Variants in DMD observed in about 807,000 individuals in gnomAD.
DMD encodes the protein mutant dystrophin.
In DMD, 63 loss-of-function variants were observed where a neutral mutation model predicts 330.1. The ratio of observed to expected loss-of-function variants is 0.19; its 90% CI spans 0.16 to 0.24. The LOEUF (loss-of-function observed/expected upper bound fraction) is 0.24, where lower values mean the gene tolerates loss of function less well. DMD is among the 10% of genes least tolerant of loss of function. The pLI, the probability that DMD is intolerant of heterozygous loss-of-function variation, is 1.00. For synonymous variants in DMD, 1,223 were observed against 959.8 expected (o/e 1.27, Z -5.07); for missense variants, 3,344 against 2,684.1 (o/e 1.25, Z -5.43).
At chrX:31,283,423 T>C (rs2147904014) in intron 62 of DMD, among the ~76,000 whole-genome samples, 1 of 111,728 alleles carries the variant, frequency 9.0e-6, no homozygotes, top group Non-Finnish European at 1.9e-5. Flanking sequence ...CTACCTTAAA[T>C]TATGAGTTTT....
rs147304855 is a variant in DMD, at chrX:32,331,786, T to C, written c.5922+10314A>G. 5.3e-3 allele frequency among the ~76,000 whole-genome samples: 590 copies of C among 111,836 alleles called. 15 individuals carry two copies. In the East Asian group the frequency reaches 0.09, roughly 17 times the overall value. ...TTAACGTGCTACTTGAAGCCAGTCATTTGAGACAATATTCAAGAGGTAATA... is the reference window on the plus strand; with the variant it reads ...TTAACGTGCTACTTGAAGCCAGTCACTTGAGACAATATTCAAGAGGTAATA... On this transcript the variant is annotated intron_variant, in intron 41 of 78. Coordinates refer to ENST00000357033, the MANE Select transcript of DMD (RefSeq NM_004006.3).
At chrX:32,794,395 C>A (rs918379345) in intron 7 of DMD, among the ~76,000 whole-genome samples, 1 of 111,242 alleles carries the variant, frequency 9.0e-6, no homozygotes, top group Non-Finnish European at 1.9e-5. Flanking sequence ...CGAGATCATC[C>A]TGGCTAACAC....
chrX:32,567,076 G>C (rs1340405290), intron 15 of DMD, among the ~76,000 whole-genome samples: 1 of 111,699 alleles, frequency 9.0e-6, no homozygotes, highest in Non-Finnish European at 1.9e-5. Flanking sequence ...TTCCTGAAAA[G>C]GACAATCTAA....
intron 2 of DMD, among the ~76,000 whole-genome samples, chrX:32,962,922 G>C (rs751435711): frequency 1.8e-5 from 2 of 110,915 alleles, no homozygotes; most frequent in Non-Finnish European, 3.8e-5. Context: ...GGGCAAGAAA[G>C]AAACAGTGAT....
intron 48 of DMD, among the ~76,000 whole-genome samples, chrX:31,841,395 T>C (rs2093316294): frequency 8.9e-6 from 1 of 111,989 alleles, no homozygotes; most frequent in Non-Finnish European, 1.9e-5. Flanking sequence ...CAAGTGCTGA[T>C]GGAGAAGCTG....
intron 55 of DMD, among the ~76,000 whole-genome samples, chrX:31,587,272 T>C (rs995525481): frequency 3.6e-5 from 4 of 111,695 alleles, no homozygotes; most frequent in Non-Finnish European, 7.5e-5. Context: ...ACAACATGGA[T>C]ACTATAGTTA....
intron 9 of DMD, among the ~76,000 whole-genome samples, chrX:32,674,827 T>G (rs2061864381): frequency 1.8e-5 from 2 of 111,477 alleles, no homozygotes; most frequent in African/African-American, 6.5e-5. Context: ...AGACTTCTCC[T>G]TAAATCCATA....
intron 44 of DMD, among the ~76,000 whole-genome samples, chrX:32,186,485 T>C (rs2096948165): frequency 8.9e-6 from 1 of 111,956 alleles, no homozygotes; most frequent in Non-Finnish European, 1.9e-5. Flanking sequence ...AAAAAAATCT[T>C]AGCCAGAAGG....
intron 1 of DMD, among the ~76,000 whole-genome samples, chrX:33,093,983 G>T (rs1473777958): frequency 9.0e-6 from 1 of 111,133 alleles, no homozygotes; most frequent in South Asian, 3.7e-4. Flanking sequence ...ACATAAATTT[G>T]CCATGAGTTT....
intron 52 of DMD, among the ~76,000 whole-genome samples, chrX:31,704,772 C>T (rs1401037783): frequency 9.0e-5 from 10 of 111,644 alleles, no homozygotes; most frequent in African/African-American, 3.2e-4. Context: ...ACTGATTTGT[C>T]TTTATATATT....
intron 62 of DMD, among the ~76,000 whole-genome samples, chrX:31,268,498 T>G (rs1449271877): frequency 8.9e-6 from 1 of 112,136 alleles, no homozygotes; most frequent in Non-Finnish European, 1.9e-5. Context: ...CCTTTAGCAA[T>G]TTTAAGCTAG....
rs57376337 is a variant in DMD, at chrX:32,435,275, C to CATATATATATAT, written c.4071+2954_4071+2965dup. On this transcript the variant is annotated intron_variant, in intron 29 of 78. Coordinates refer to ENST00000357033, the MANE Select transcript of DMD (RefSeq NM_004006.3). Reference sequence around the variant, plus strand: ...ATTTACATATTTTAATATATACTTACATATATATATATATATATATATTTA... The same window carrying CATATATATATAT: ...ATTTACATATTTTAATATATACTTACATATATATATATATATATATATATATATATATATTTA... 9.4e-3 allele frequency among the ~76,000 whole-genome samples: 747 copies of CATATATATATAT among 79,598 alleles called. 11 individuals are homozygous for CATATATATATAT. The highest frequency in any genetic ancestry group is 0.022 in the African/African-American group (545 of 24,512). 69.1% of individuals were successfully genotyped at this position (79,598 alleles called of 115,157 possible).
At chrX:32,739,100 G>T (rs190037663) in intron 7 of DMD, among the ~76,000 whole-genome samples, 12 of 111,993 alleles carry the variant, frequency 1.1e-4, no homozygotes, top group East Asian at 2.8e-4. Flanking sequence ...TTTAATTCTT[G>T]TAACAGTCCT....
At chrX:31,526,599 G>A (rs1422986380) in intron 55 of DMD, among the ~76,000 whole-genome samples, 2 of 111,712 alleles carry the variant, frequency 1.8e-5, no homozygotes, top group African/African-American at 6.5e-5. Context: ...CAAGAAGTAC[G>A]GAAAAGAAAT....
At chrX:31,478,751 A>G (rs775096719) in intron 58 of DMD, among the ~76,000 whole-genome samples, 1 of 112,295 alleles carries the variant, frequency 8.9e-6, no homozygotes, top group Non-Finnish European at 1.9e-5. Flanking sequence ...AAATGTTCCA[A>G]TAACTGATTG....
At chrX:32,093,382 G>A (rs2096487761) in intron 44 of DMD, among the ~76,000 whole-genome samples, 1 of 111,942 alleles carries the variant, frequency 8.9e-6, no homozygotes, top group Non-Finnish European at 1.9e-5. Flanking sequence ...CCAGTAGTGG[G>A]ATTGCTGGAT....
At chrX:33,261,942 C>T (rs1478443288) in intron 1 of DMD, among the ~76,000 whole-genome samples, 2 of 104,188 alleles carry the variant, frequency 1.9e-5, no homozygotes, top group African/African-American at 3.8e-5. Context: ...CCACCACCAC[C>T]ACCACCACCA....
intron 15 of DMD, 36 bp from the exon 16 acceptor site, chrX:32,565,917 G>T (rs1440919179): frequency 1.8e-6 from 2 of 1,142,327 alleles, no homozygotes; most frequent in Non-Finnish European, 2.4e-6. Flanking sequence ...ATAAGCCTGG[G>T]TTGCATTCCA....
At chrX:33,280,565 G>A (rs909215415) in intron 1 of DMD, among the ~76,000 whole-genome samples, 13 of 111,158 alleles carry the variant, frequency 1.2e-4, no homozygotes, top group Admixed American at 6.7e-4. Context: ...TTCCTGCTTC[G>A]TCCAAAACAA....
Sources: allele counts gnomAD v4.1 joint callset (sites outside exome capture counted in the v4.1 genomes callset), GRCh38; gene constraint gnomAD v4.1.1; transcripts MANE v1.5; gene names NCBI Gene and HGNC (gene_info 2026-07-23, HGNC 2026-07-21).